LCP2: variants seen among roughly 807,000 people sequenced by gnomAD.
LCP2 encodes the protein 76 kDa tyrosine phosphoprotein.
Under a neutral mutation model 74.5 loss-of-function variants are expected in LCP2, and 29 were observed. That is an observed-to-expected ratio of 0.39 (90% CI 0.29 to 0.53). The LOEUF (loss-of-function observed/expected upper bound fraction) is 0.53, where lower values mean the gene tolerates loss of function less well. Ranked by LOEUF, LCP2 falls within the 20% of genes least tolerant of loss-of-function variation. The pLI, the probability that LCP2 is intolerant of heterozygous loss-of-function variation, is 0.72. For synonymous variants in LCP2, 228 were observed against 229.5 expected (o/e 0.99, Z 0.06); for missense variants, 604 against 634.6 (o/e 0.95, Z 0.52).
intron 3 of LCP2, among the ~76,000 whole-genome samples, chr5:170,287,283 A>C (rs1362544576): frequency 6.6e-6 from 1 of 152,246 alleles, no homozygotes; most frequent in Non-Finnish European, 1.5e-5. Context: ...TCCAATGATG[A>C]TAAAACAAAA....
At chr5:170,270,622 T>C (rs896342239) in intron 7 of LCP2, 97 bp downstream of exon 7, 3 of 1,125,872 alleles carry the variant, frequency 2.7e-6, no homozygotes, top group Non-Finnish European at 3.8e-6. Flanking sequence ...CAGAGCTTTC[T>C]GCTACATGGG....
intron 8 of LCP2, among the ~76,000 whole-genome samples, chr5:170,268,119 C>G (rs886936440): frequency 6.6e-6 from 1 of 152,116 alleles, no homozygotes; most frequent in Non-Finnish European, 1.5e-5. Flanking sequence ...GTGCCACGGA[C>G]TTAATTCGGT....
At chr5:170,278,025 G>A (rs1762035372) in intron 3 of LCP2, among the ~76,000 whole-genome samples, 2 of 151,444 alleles carry the variant, frequency 1.3e-5, no homozygotes, top group Non-Finnish European at 2.9e-5. Context: ...GTTCCCTTAA[G>A]TGGTTGTTTC....
chr5:170,264,820 AATAAAAATAAAAAG>A (rs1761718970), intron 10 of LCP2, among the ~76,000 whole-genome samples: 1 of 38,100 alleles, frequency 2.6e-5, no homozygotes, highest in Non-Finnish European at 6.2e-5. Context: ...AAAATAAAAA[AATAAAAATAAAAAG>A]GAGCTTGCTG....
intron 20 of LCP2, 102 bp from the exon 21 acceptor site, chr5:170,248,921 G>A: frequency 1.7e-6 from 2 of 1,182,376 alleles, no homozygotes; most frequent in Non-Finnish European, 2.4e-6. Context: ...CTCTTCAAGT[G>A]ATGAGGATTG....
intron 7 of LCP2, 124 bp downstream of exon 7, chr5:170,270,595 G>T: frequency 2.6e-6 from 2 of 772,998 alleles, no homozygotes; most frequent in Non-Finnish European, 4.1e-6. Flanking sequence ...TTAAGAAGCC[G>T]AGCAGATATC....
chr5:170,257,430 T>C (rs1761573946), intron 16 of LCP2, among the ~76,000 whole-genome samples: 1 of 152,160 alleles, frequency 6.6e-6, no homozygotes, highest in South Asian at 2.1e-4. Context: ...GGATCTTGGC[T>C]TCTCTCCTTG....
At chr5:170,277,897 TGAC>T (rs1048188997) in intron 3 of LCP2, among the ~76,000 whole-genome samples, 6 of 152,124 alleles carry the variant, frequency 3.9e-5, no homozygotes, top group Non-Finnish European at 5.9e-5. Flanking sequence ...ATAATATTGT[TGAC>T]AACTCCAGGC....
chr5:170,249,077 T>G (rs1283928922), intron 20 of LCP2, among the ~76,000 whole-genome samples: 2 of 152,086 alleles, frequency 1.3e-5, no homozygotes, highest in African/African-American at 4.8e-5. Context: ...ATCCCAGCAC[T>G]TTGGGAGGCT....
intron 3 of LCP2, among the ~76,000 whole-genome samples, chr5:170,281,380 C>G (rs545466806): frequency 6.6e-6 from 1 of 152,002 alleles, no homozygotes; most frequent in African/African-American, 2.4e-5. Context: ...CCCGGGTTCA[C>G]GCCATTCTCC....
At chr5:170,264,978 CTTTTTTTTTTTTTTT>C (rs58508083) in intron 10 of LCP2, among the ~76,000 whole-genome samples, 2 of 108,984 alleles carry the variant, frequency 1.8e-5, no homozygotes, top group Admixed American at 9.5e-5. Context: ...CAAAATTTGC[CTTTTTTTTTTTTTTT>C]TTTTTTTTTT....
intron 14 of LCP2, 128 bp downstream of exon 14, chr5:170,260,978 GA>G (rs1761638921): frequency 1.4e-6 from 1 of 703,196 alleles, no homozygotes. Flanking sequence ...CTTAAGAGAC[GA>G]GACCCCTGGG....
intron 17 of LCP2, among the ~76,000 whole-genome samples, chr5:170,253,512 A>C (rs1269638590): frequency 1.3e-5 from 2 of 152,222 alleles, no homozygotes; most frequent in Non-Finnish European, 2.9e-5. Flanking sequence ...CCTTTATAAA[A>C]AAATTCGCAA....
chr5:170,293,505 G>T, intron 1 of LCP2, 133 bp from the exon 2 acceptor site: 1 of 790,698 alleles, frequency 1.3e-6, no homozygotes, highest in Non-Finnish European at 2.1e-6. Flanking sequence ...CCCTCCCTTG[G>T]CTAACAGAGG....
At position 170,297,696 on chromosome 5, in the gene LCP2, C is replaced by T. The variant is rs770975052; in HGVS notation, c.-85G>A. On this transcript the variant is annotated 5_prime_UTR_variant, in exon 1 of 21. Transcript: ENST00000046794. ...GAAGCTCAAATCCAGAGCTCGGAGG[C>T]GTTCTTGGCTCTTCCAACTCCCAGC... 14 of 1,176,106 alleles carry T rather than the reference C, an allele frequency of 1.2e-5. No individual in the cohort carries two copies. Among genetic ancestry groups the T allele is most frequent in the Non-Finnish European group, 1.7e-5 (14 of 828,828 alleles). The allele number at this position is 1,176,106 out of a possible 1,614,324, so 72.9% of individuals were successfully genotyped here. A position where few individuals can be genotyped will look rare whatever the true frequency, so the allele number is the denominator to read the frequency against.
intron 3 of LCP2, among the ~76,000 whole-genome samples, chr5:170,286,063 C>T (rs1036041186): frequency 6.6e-6 from 1 of 152,180 alleles, no homozygotes; most frequent in African/African-American, 2.4e-5. Flanking sequence ...ATATATTTTG[C>T]CTGGTTATTT....
intron 2 of LCP2, among the ~76,000 whole-genome samples, chr5:170,290,936 GAAGAAAGAAAGAAAGAA>G (rs1561978926): frequency 1.6e-5 from 2 of 125,408 alleles, no homozygotes; most frequent in Non-Finnish European, 3.3e-5. Context: ...GAGAGAGAAA[GAAGAAAGAAAGAAAGAA>G]AAGAAAGAAA....
chr5:170,265,838 T>C lies in LCP2; in HGVS notation c.772+970A>G, dbSNP rs183096607. Among the ~76,000 whole-genome samples, 11 of 152,322 alleles carry C rather than the reference T, an allele frequency of 7.2e-5. No homozygotes were observed. In the East Asian group the frequency reaches 2.1e-3, roughly 29 times the overall value. On this transcript the variant is annotated intron_variant, in intron 10 of 20. Transcript: ENST00000046794. ...GGGGGCAGCTGGGATTCTGGGCTCC[T>C]TTCCGTTCAGTTGCAGAGTTCCTTC...
At chr5:170,289,560 C>T (rs113045975) in intron 2 of LCP2, among the ~76,000 whole-genome samples, 1 of 152,072 alleles carries the variant, frequency 6.6e-6, no homozygotes, top group Admixed American at 6.5e-5. Context: ...CTGAGGGCAT[C>T]GGGCTTTTGG....
Sources: gnomAD v4.1 joint callset for allele counts (sites outside exome capture counted in the v4.1 genomes callset) on GRCh38, gnomAD v4.1.1 for gene constraint, MANE v1.5 for transcripts, NCBI Gene and HGNC (gene_info 2026-07-23, HGNC 2026-07-21) for gene names.